CHN1: variants seen among roughly 807,000 people sequenced by gnomAD.
CHN1 encodes the protein chimerin 1.
Under a neutral mutation model 59.5 loss-of-function variants are expected in CHN1, and 37 were observed. That is an observed-to-expected ratio of 0.62 (90% confidence interval 0.48 to 0.82). The LOEUF (loss-of-function observed/expected upper bound fraction) is 0.82, where lower values mean the gene tolerates loss of function less well. Among genes scored for constraint, CHN1 ranks in the 40% least tolerant of loss-of-function variants. The probability of loss-of-function intolerance (pLI) is 0.00; values close to 1 mark genes in which losing one functional copy is unlikely to be tolerated. For synonymous variants in CHN1, 206 were observed against 200.4 expected, an observed-to-expected ratio of 1.03 and a Z score of -0.24; for missense variants, 469 against 571.0, an observed-to-expected ratio of 0.82 and a Z score of 1.82.
intron 7 of CHN1, among the ~76,000 whole-genome samples, chr2:174,835,594 C>A (rs1241793971): frequency 3.6e-5 from 5 of 139,108 alleles, no homozygotes; most frequent in African/African-American, 1.1e-4. Flanking sequence ...TTTTTTAATT[C>A]TCTGTTCTTC....
intron 7 of CHN1, 109 bp downstream of exon 7, chr2:174,846,771 A>G: frequency 3.6e-6 from 4 of 1,111,268 alleles, no homozygotes; most frequent in Non-Finnish European, 5.0e-6. Flanking sequence ...AATAGCAAGA[A>G]CATTTTAGTC....
intron 11 of CHN1, among the ~76,000 whole-genome samples, chr2:174,802,448 G>A (rs1684756379): frequency 6.6e-6 from 1 of 152,188 alleles, no homozygotes; most frequent in Non-Finnish European, 1.5e-5. Context: ...CAGACATTCA[G>A]AAGAATGCAC....
chr2:174,961,586 C>T (rs1454885077), intron 1 of CHN1, among the ~76,000 whole-genome samples: 5 of 148,594 alleles, frequency 3.4e-5, no homozygotes, highest in East Asian at 2.0e-4. Flanking sequence ...AGTGAAACTC[C>T]GTCTCAAAAA....
intron 2 of CHN1, among the ~76,000 whole-genome samples, chr2:174,951,707 T>C (rs570034558): frequency 1.3e-5 from 2 of 152,354 alleles, no homozygotes; most frequent in African/African-American, 2.4e-5. Context: ...ATCTCCCTTA[T>C]GTTTTGGGAA....
In CHN1 at chr2:174,827,946, G is replaced by GA. The variant is rs141256517; in HGVS notation, c.628-3429dup. Among the ~76,000 whole-genome samples, 277 of 152,302 alleles carry GA rather than the reference G, an allele frequency of 1.8e-3. 3 individuals are homozygous for GA. The highest frequency in any genetic ancestry group is 6.3e-3 in the African/African-American group (260 of 41,566). ...GGGGAAGGCTGACTCATAAGAAAGA[G>GA]AGGGTCACTGATGGAGCAAGGCTCT... On this transcript the variant is annotated intron_variant, in intron 7 of 12. Transcript: ENST00000409900.
intron 5 of CHN1, among the ~76,000 whole-genome samples, chr2:174,889,349 C>T (rs555525139): frequency 6.6e-6 from 1 of 152,052 alleles, no homozygotes; most frequent in East Asian, 1.9e-4. Flanking sequence ...ATAGCACAAT[C>T]AATGGAACAA....
At chr2:174,972,302 G>GA in intron 1 of CHN1, among the ~76,000 whole-genome samples, 1 of 152,056 alleles carries the variant, frequency 6.6e-6, no homozygotes, top group Non-Finnish European at 1.5e-5. Flanking sequence ...CCCACGGCAG[G>GA]GTGATATCCT....
intron 8 of CHN1, among the ~76,000 whole-genome samples, chr2:174,819,919 G>T (rs1443788843): frequency 2.7e-5 from 4 of 147,334 alleles, no homozygotes; most frequent in Non-Finnish European, 4.5e-5. Flanking sequence ...GCAGTGTTTG[G>T]TTTTTTGTCC....
At chr2:174,848,246 G>A (rs937944163) in intron 6 of CHN1, among the ~76,000 whole-genome samples, 2 of 152,086 alleles carry the variant, frequency 1.3e-5, no homozygotes, top group African/African-American at 4.8e-5. Context: ...CTTGAGGCCA[G>A]GTCATAGTGG....
At chr2:174,861,298 G>C (rs555218487) in intron 6 of CHN1, among the ~76,000 whole-genome samples, 4 of 152,254 alleles carry the variant, frequency 2.6e-5, no homozygotes, top group African/African-American at 9.6e-5. Context: ...AGCATGCAGA[G>C]AGCTCTCAAA....
At chr2:174,911,639 A>G (rs1332908387) in intron 5 of CHN1, among the ~76,000 whole-genome samples, 2 of 152,346 alleles carry the variant, frequency 1.3e-5, no homozygotes, top group South Asian at 2.1e-4. Context: ...AAAACCTGTC[A>G]TGCCACATGG....
rs201402639 is a variant in CHN1 at position 174,813,676 on chromosome 2, TA to T, written c.713-1195del. On this transcript the variant is annotated intron_variant, in intron 8 of 12. Transcript: ENST00000409900. ...TCAACTAAAATAAATGTCATCTTTT[TA>T]AAAAAAATAACCCATTTGTTTTTAA... Among the ~76,000 whole-genome samples, 354 of 152,184 alleles carry T rather than the reference TA, an allele frequency of 2.3e-3. 2 individuals are homozygous for T. The highest frequency in any genetic ancestry group is 8.2e-3 in the African/African-American group (340 of 41,532).
chr2:174,815,466 A>C (rs369515577), intron 8 of CHN1, among the ~76,000 whole-genome samples: 1 of 151,784 alleles, frequency 6.6e-6, no homozygotes, highest in African/African-American at 2.4e-5. Flanking sequence ...GTTCATCTTC[A>C]CTCTGTCATG....
chr2:174,908,452 C>T (rs1688601021), intron 5 of CHN1, among the ~76,000 whole-genome samples: 2 of 152,122 alleles, frequency 1.3e-5, no homozygotes, highest in African/African-American at 2.4e-5. Flanking sequence ...CCATTTCCTA[C>T]AGATAAAGCC....
chr2:174,832,052 C>A (rs1482777984), intron 7 of CHN1, among the ~76,000 whole-genome samples: 9 of 152,206 alleles, frequency 5.9e-5, no homozygotes, highest in East Asian at 5.8e-4. Context: ...ATCCACAATT[C>A]TTTGAAGCTA....
intron 2 of CHN1, among the ~76,000 whole-genome samples, chr2:174,949,909 C>G (rs1388133357): frequency 6.6e-6 from 1 of 151,952 alleles, no homozygotes; most frequent in Non-Finnish European, 1.5e-5. Flanking sequence ...ACGGGGAGTT[C>G]AGACATTGAA....
At chr2:174,817,238 T>C (rs1685299660) in intron 8 of CHN1, among the ~76,000 whole-genome samples, 1 of 152,244 alleles carries the variant, frequency 6.6e-6, no homozygotes, top group South Asian at 2.1e-4. Flanking sequence ...AACATTGCTA[T>C]ATTTTACCCA....
chr2:174,935,736 G>A (rs1446298303), intron 3 of CHN1, among the ~76,000 whole-genome samples: 1 of 151,996 alleles, frequency 6.6e-6, no homozygotes, highest in East Asian at 1.9e-4. Flanking sequence ...GACAAGCCTG[G>A]GGAACATAGT....
intron 7 of CHN1, among the ~76,000 whole-genome samples, chr2:174,826,933 G>A (rs1685703349): frequency 6.6e-6 from 1 of 151,910 alleles, no homozygotes; most frequent in South Asian, 2.1e-4. Context: ...TTGAGGCTGG[G>A]TTGTTTTTTT....
Sources: gnomAD v4.1 joint callset for allele counts (sites outside exome capture counted in the v4.1 genomes callset) on GRCh38, gnomAD v4.1.1 for gene constraint, MANE v1.5 for transcripts, NCBI Gene and HGNC (gene_info 2026-07-23, HGNC 2026-07-21) for gene names.